RORA: variants seen among roughly 807,000 people sequenced by gnomAD.
The protein encoded by RORA is RAR related orphan receptor A.
In RORA, 7 loss-of-function variants were observed where a neutral mutation model predicts 69.5. The observed-to-expected ratio is 0.10, with a 90% CI of 0.06 to 0.19. RORA has a LOEUF of 0.19. Among genes scored for constraint, RORA ranks in the 10% least tolerant of loss-of-function variants. RORA has a pLI of 1.00. For synonymous variants in RORA, 261 were observed against 240.8 expected, an observed-to-expected ratio of 1.08 and a Z score of -0.78; for missense variants, 457 against 663.0, an observed-to-expected ratio of 0.69 and a Z score of 3.41.
At chr15:61,117,751 T>C (rs1432080685) in intron 1 of RORA, among the ~76,000 whole-genome samples, 3 of 152,226 alleles carry the variant, frequency 2.0e-5, no homozygotes, top group Admixed American at 6.5e-5. Flanking sequence ...CTTCTGAAAT[T>C]CCAAATTTTC....
intron 1 of RORA, among the ~76,000 whole-genome samples, chr15:60,899,722 C>T (rs187613373): frequency 1.3e-5 from 2 of 152,328 alleles, no homozygotes; most frequent in African/African-American, 2.4e-5. Flanking sequence ...ACTAAACCAA[C>T]GACTAAGTAA....
Position 61,226,175 on chromosome 15 carries a change from C to T in RORA, c.166+2878G>A, listed in dbSNP as rs1184063242. Among the ~76,000 whole-genome samples, 3 of 152,148 alleles carry T rather than the reference C, an allele frequency of 2.0e-5. No individual in the cohort carries two copies. Among genetic ancestry groups the T allele is most frequent in the Non-Finnish European group, 4.4e-5 (3 of 68,030 alleles). ...CACTGCAATGTCATGAGAATTCAGA[C>T]CACAATTTCTGTGGACTTCAAACAC... On this transcript the variant is annotated intron_variant, in intron 1 of 10. Coordinates refer to ENST00000335670, the MANE Select transcript of RORA (RefSeq NM_134261.3). The surrounding 1 kb of genome is among the most constrained non-coding windows in gnomAD (Gnocchi z 4.2).
chr15:60,671,411 T>C (rs2070470653), intron 2 of RORA, among the ~76,000 whole-genome samples: 1 of 152,070 alleles, frequency 6.6e-6, no homozygotes, highest in African/African-American at 2.4e-5. Context: ...TTGTGTTGTA[T>C]GACATTAAGT....
At chr15:60,556,024 T>C (rs1297285607) in intron 2 of RORA, among the ~76,000 whole-genome samples, 1 of 152,188 alleles carries the variant, frequency 6.6e-6, no homozygotes, top group Non-Finnish European at 1.5e-5. Flanking sequence ...TGGACTTTGC[T>C]GACCTATTTT....
chr15:61,080,713 G>C (rs192147045), intron 1 of RORA, among the ~76,000 whole-genome samples: 24 of 152,304 alleles, frequency 1.6e-4, no homozygotes, highest in African/African-American at 5.3e-4. Context: ...ACATGGCTTA[G>C]CTGGCTCTTT....
intron 2 of RORA, among the ~76,000 whole-genome samples, chr15:60,588,479 T>TCCAGCCAGCCAG (rs1567108392): frequency 6.7e-6 from 1 of 149,928 alleles, no homozygotes; most frequent in African/African-American, 2.4e-5. Context: ...CATCCATCCA[T>TCCAGCCAGCCAG]CCAGTAACTT....
At position 60,568,648 on chromosome 15, in the gene RORA, C is replaced by G. The variant is rs544903995; in HGVS notation, c.197-36797G>C. Among the ~76,000 whole-genome samples, 9 of 152,336 alleles carry G rather than the reference C, an allele frequency of 5.9e-5. No individual in the cohort carries two copies. In the South Asian group the frequency reaches 1.4e-3, roughly 25 times the overall value. On this transcript the variant is annotated intron_variant, in intron 2 of 10. Coordinates refer to ENST00000335670, the MANE Select transcript of RORA (RefSeq NM_134261.3). The stretch of plus-strand genomic sequence containing the variant: ...GCCAGGCACAGATCCTGGAACACAT[C>G]AGACCAAAGTCCAGGACCTCCTCTC...
At chr15:60,668,035 G>A (rs1160255319) in intron 2 of RORA, among the ~76,000 whole-genome samples, 1 of 152,050 alleles carries the variant, frequency 6.6e-6, no homozygotes, top group Non-Finnish European at 1.5e-5. Context: ...CCAAAGAGAT[G>A]AAATAATTGG....
chr15:60,828,520 T>C (rs982078904), intron 1 of RORA, among the ~76,000 whole-genome samples: 4 of 152,158 alleles, frequency 2.6e-5, no homozygotes, highest in Non-Finnish European at 5.9e-5. Context: ...GGCTAGTGAC[T>C]GAGGCCGCTG....
chr15:61,027,445 C>T (rs1029884284), intron 1 of RORA, among the ~76,000 whole-genome samples: 2 of 152,078 alleles, frequency 1.3e-5, no homozygotes, highest in African/African-American at 4.8e-5. Context: ...GACTTTGGCT[C>T]GGCGTTTTGT....
At position 61,145,490 on chromosome 15, in the gene RORA, T is replaced by C. The variant is rs548650362; in HGVS notation, c.166+83563A>G. Among the ~76,000 whole-genome samples the C allele has an allele frequency of 1.6e-4, 24 of 152,354 alleles. No individual in the cohort carries two copies. In the South Asian group the frequency reaches 4.6e-3, roughly 29 times the overall value. On this transcript the variant is annotated intron_variant, in intron 1 of 10. Transcript: ENST00000335670. ...CCTACCTCCCAGGGTATTTTCCTTT[T>C]GGCTTCCAAAACATTTTGTAAGCAA...
intron 2 of RORA, among the ~76,000 whole-genome samples, chr15:60,563,998 G>C (rs1595982535): frequency 6.6e-6 from 1 of 152,116 alleles, no homozygotes; most frequent in African/African-American, 2.4e-5. Context: ...TGGGCTGCTT[G>C]ACTTGAGCAC....
Position 61,085,689 on chromosome 15 carries a change from C to T in RORA, c.166+143364G>A, listed in dbSNP as rs562585308. 1.4e-4 allele frequency among the ~76,000 whole-genome samples: 22 copies of T among 152,298 alleles called. No individual in the cohort carries two copies. In the South Asian group the frequency reaches 4.4e-3, roughly 30 times the overall value. On this transcript the variant is annotated intron_variant, in intron 1 of 10. Coordinates refer to ENST00000335670, the MANE Select transcript of RORA (RefSeq NM_134261.3). Reference sequence around the variant, plus strand: ...CAGGATGGCACAAGAGCAGTCAGAACTATTTGGCCCTGGTCATGTGAAAAA... The same window carrying T: ...CAGGATGGCACAAGAGCAGTCAGAATTATTTGGCCCTGGTCATGTGAAAAA...
At chr15:60,795,791 G>C (rs1381288516) in intron 1 of RORA, among the ~76,000 whole-genome samples, 1 of 152,072 alleles carries the variant, frequency 6.6e-6, no homozygotes, top group Non-Finnish European at 1.5e-5. Context: ...ATCCCTACCA[G>C]ATGTGACATG....
At chr15:60,725,065 C>T (rs1259190687) in intron 1 of RORA, among the ~76,000 whole-genome samples, 1 of 152,144 alleles carries the variant, frequency 6.6e-6, no homozygotes, top group Non-Finnish European at 1.5e-5. Context: ...GCACATTTTA[C>T]AAGGAAAAAG....
chr15:61,112,339 C>T (rs987381862), intron 1 of RORA, among the ~76,000 whole-genome samples: 2 of 152,140 alleles, frequency 1.3e-5, no homozygotes, highest in Admixed American at 6.5e-5. Flanking sequence ...AGAAGCCTTG[C>T]TCCAGGAAAG....
chr15:61,016,093 A>G (rs1047830077), intron 1 of RORA, among the ~76,000 whole-genome samples: 1 of 152,164 alleles, frequency 6.6e-6, no homozygotes, highest in African/African-American at 2.4e-5. Flanking sequence ...AAAAACAAGA[A>G]CATTAGCTGG....
chr15:60,488,557 A>T lies in RORA; in HGVS notation c.*8898T>A. On this transcript the variant is annotated 3_prime_UTR_variant, in exon 11 of 11. Transcript: ENST00000335670. ...AAAATAAACAGCTGGAAATAAGCAGACTAGTGTAAGAGTGAATTGAAAAGA... is the reference window on the plus strand; with the variant it reads ...AAAATAAACAGCTGGAAATAAGCAGTCTAGTGTAAGAGTGAATTGAAAAGA... 6.6e-6 allele frequency: 1 copy of T among 152,176 alleles called. No homozygotes were observed. Among genetic ancestry groups the T allele is most frequent in the East Asian group, 1.9e-4 (1 of 5,194 alleles). 9.4% of individuals were successfully genotyped at this position (152,176 alleles called of 1,614,324 possible).
At chr15:60,805,487 A>C (rs1396636273) in intron 1 of RORA, among the ~76,000 whole-genome samples, 1 of 152,198 alleles carries the variant, frequency 6.6e-6, no homozygotes, top group Non-Finnish European at 1.5e-5. Context: ...CACTTACCGG[A>C]TGTGCAACCT....
Sources: allele counts gnomAD v4.1 joint callset (sites outside exome capture counted in the v4.1 genomes callset), GRCh38; gene constraint gnomAD v4.1.1; non-coding constraint Gnocchi (gnomAD v3.1); transcripts MANE v1.5; gene names NCBI Gene and HGNC (gene_info 2026-07-23, HGNC 2026-07-21).